NKAIN3: variants seen among roughly 807,000 people sequenced by gnomAD.
The protein encoded by NKAIN3 is sodium/potassium transporting ATPase interacting 3.
NKAIN3 carries 25 observed loss-of-function variants against 30.2 expected under a neutral mutation model. The ratio of observed to expected loss-of-function variants is 0.83; its 90% CI spans 0.60 to 1.16. The LOEUF is 1.16. Ranked by LOEUF, NKAIN3 falls within the 50% of genes most tolerant of loss-of-function variation. The probability of loss-of-function intolerance (pLI) is 0.00; values close to 1 mark genes in which losing one functional copy is unlikely to be tolerated. For synonymous variants in NKAIN3, 91 were observed against 89.6 expected (o/e 1.02, Z -0.09); for missense variants, 225 against 254.1 (o/e 0.89, Z 0.78).
chr8:62,667,654 C>T (rs1451486312), intron 3 of NKAIN3, among the ~76,000 whole-genome samples: 1 of 151,966 alleles, frequency 6.6e-6, no homozygotes, highest in Admixed American at 6.6e-5. Flanking sequence ...CTTCCATGCT[C>T]GCCACCCCGC....
intron 1 of NKAIN3, among the ~76,000 whole-genome samples, chr8:62,431,094 A>G (rs1563396011): frequency 6.6e-6 from 1 of 151,860 alleles, no homozygotes; most frequent in East Asian, 1.9e-4. Flanking sequence ...ACAGTTTTGT[A>G]TTTTATATTA....
chr8:62,309,353 A>T (rs1814354933), intron 1 of NKAIN3, among the ~76,000 whole-genome samples: 1 of 150,522 alleles, frequency 6.6e-6, no homozygotes, highest in Non-Finnish European at 1.5e-5. Context: ...GTTTACTGAG[A>T]AGGAAGTGTC....
chr8:62,525,100 A>G (rs556609324), intron 1 of NKAIN3, among the ~76,000 whole-genome samples: 1 of 152,140 alleles, frequency 6.6e-6, no homozygotes, highest in Non-Finnish European at 1.5e-5. Flanking sequence ...ACAGCTTTAT[A>G]ATTCCTGCTG....
chr8:62,869,456 T>C (rs922538122), intron 4 of NKAIN3, among the ~76,000 whole-genome samples: 1 of 152,210 alleles, frequency 6.6e-6, no homozygotes, highest in Non-Finnish European at 1.5e-5. Context: ...TTAGTTTGCT[T>C]TTAAAATATT....
intron 1 of NKAIN3, among the ~76,000 whole-genome samples, chr8:62,459,639 C>T (rs1361997282): frequency 1.3e-5 from 2 of 152,122 alleles, no homozygotes; most frequent in Non-Finnish European, 2.9e-5. Flanking sequence ...GGAAATGTTA[C>T]TTTAGTAAGG....
At chr8:62,898,932 T>A (rs575929981) in intron 4 of NKAIN3, among the ~76,000 whole-genome samples, 12 of 146,722 alleles carry the variant, frequency 8.2e-5, no homozygotes, top group African/African-American at 2.8e-4. Flanking sequence ...TCTGAATAGA[T>A]ATTTCTTAAA....
At chr8:62,722,441 A>C (rs953528461) in intron 3 of NKAIN3, among the ~76,000 whole-genome samples, 1 of 152,204 alleles carries the variant, frequency 6.6e-6, no homozygotes, top group African/African-American at 2.4e-5. Context: ...TCCTCCCAAC[A>C]AATTAAATAG....
intron 3 of NKAIN3, among the ~76,000 whole-genome samples, chr8:62,649,340 A>G (rs1423598245): frequency 6.6e-6 from 1 of 152,154 alleles, no homozygotes; most frequent in Non-Finnish European, 1.5e-5. Context: ...AAATGGTCCA[A>G]CTGCAAACAA....
intron 3 of NKAIN3, among the ~76,000 whole-genome samples, chr8:62,726,228 T>C (rs981381625): frequency 6.6e-6 from 1 of 152,024 alleles, no homozygotes; most frequent in Non-Finnish European, 1.5e-5. Flanking sequence ...AGTTGGAGTC[T>C]TTAGGTTTTT....
intron 1 of NKAIN3, among the ~76,000 whole-genome samples, chr8:62,481,454 A>G (rs1806716476): frequency 6.6e-6 from 1 of 152,052 alleles, no homozygotes; most frequent in East Asian, 1.9e-4. Flanking sequence ...TGGACTTACC[A>G]TGTCATACAT....
intron 5 of NKAIN3, among the ~76,000 whole-genome samples, chr8:62,931,156 CAAAA>C (rs2130871557): frequency 6.6e-6 from 1 of 152,198 alleles, no homozygotes; most frequent in Admixed American, 6.5e-5. Context: ...TCCCAATAAA[CAAAA>C]CATTCGCTGG....
chr8:62,301,987 CCA>C (rs1276805254), intron 1 of NKAIN3, among the ~76,000 whole-genome samples: 14 of 152,006 alleles, frequency 9.2e-5, no homozygotes, highest in African/African-American at 2.7e-4. Context: ...GCAGTGGCCA[CCA>C]CAGACTTTTG....
chr8:62,895,634 AT>A (rs763822939), intron 4 of NKAIN3, among the ~76,000 whole-genome samples: 6 of 152,178 alleles, frequency 3.9e-5, no homozygotes, highest in Non-Finnish European at 7.3e-5. Context: ...AAGTAATTCC[AT>A]ATCCTAGGCG....
chr8:62,700,723 A>G (rs572512184), intron 3 of NKAIN3, among the ~76,000 whole-genome samples: 37 of 152,378 alleles, frequency 2.4e-4, no homozygotes, highest in African/African-American at 8.4e-4. Flanking sequence ...TTTATCTTAG[A>G]AGCCAGTTTT....
chr8:62,367,770 C>T (rs1816783275), intron 1 of NKAIN3, among the ~76,000 whole-genome samples: 1 of 152,052 alleles, frequency 6.6e-6, no homozygotes, highest in Non-Finnish European at 1.5e-5. Context: ...AAATAAAAGA[C>T]CTCCAAATTG....
chr8:62,528,958 A>C (rs1201075414), intron 1 of NKAIN3, among the ~76,000 whole-genome samples: 1 of 152,178 alleles, frequency 6.6e-6, no homozygotes, highest in Non-Finnish European at 1.5e-5. Flanking sequence ...TATAGAAGCT[A>C]TGTAACTTGA....
At chr8:62,792,680 G>C (rs1235634110) in intron 4 of NKAIN3, among the ~76,000 whole-genome samples, 1 of 152,120 alleles carries the variant, frequency 6.6e-6, no homozygotes, top group Non-Finnish European at 1.5e-5. Context: ...GTGGATTGAG[G>C]AAGGGATCTG....
At chr8:62,911,575 A>G in intron 4 of NKAIN3, among the ~76,000 whole-genome samples, 1 of 152,042 alleles carries the variant, frequency 6.6e-6, no homozygotes, top group Non-Finnish European at 1.5e-5. Flanking sequence ...GAAAATCCAG[A>G]GTGTCAGTCA....
At chr8:62,336,923 A>T (rs1452050876) in intron 1 of NKAIN3, among the ~76,000 whole-genome samples, 1 of 152,038 alleles carries the variant, frequency 6.6e-6, no homozygotes, top group Non-Finnish European at 1.5e-5. Context: ...TGACCACTGA[A>T]TGACAAAGTC....
Sources: gnomAD v4.1 joint callset for allele counts (sites outside exome capture counted in the v4.1 genomes callset) on GRCh38, gnomAD v4.1.1 for gene constraint, MANE v1.5 for transcripts, NCBI Gene and HGNC (gene_info 2026-07-23, HGNC 2026-07-21) for gene names.